The following TRAPPC11 variants were observed in gnomAD, a reference collection of about 807,000 sequenced individuals.
TRAPPC11 encodes the protein foie gras homolog.
A neutral mutation model predicts 151.2 loss-of-function variants in TRAPPC11; 104 were observed. That is an observed-to-expected ratio of 0.69 (90% CI 0.59 to 0.81). The LOEUF (loss-of-function observed/expected upper bound fraction) is 0.81. Ranked by LOEUF, TRAPPC11 falls within the 30% of genes least tolerant of loss-of-function variation. TRAPPC11 has a pLI of 0.00. For missense variants in TRAPPC11, 1,230 were observed against 1,349.6 expected (o/e 0.91, Z 1.39); for synonymous variants, 456 against 472.3 (o/e 0.97, Z 0.45).
chr4:183,688,469 G>T (rs10021545), intron 18 of TRAPPC11, among the ~76,000 whole-genome samples: 75,374 of 152,004 alleles, frequency 0.5, 19,392 homozygotes, highest in African/African-American at 0.63. Context: ...AAAGGAACCT[G>T]GAAGAGTTAA....
chr4:183,712,880 T>G lies in TRAPPC11; in HGVS notation c.*236T>G, dbSNP rs900239618. On this transcript the variant is annotated 3_prime_UTR_variant, in exon 30 of 30. Transcript: ENST00000334690. The stretch of plus-strand genomic sequence containing the variant: ...TACGACATGAAAGAATGTCAGACCA[T>G]TGTTATTGTTGAAAGTCATTTGATG... The G allele has an allele frequency of 2.2e-6, 1 of 456,688 alleles. No individual in the cohort carries two copies. Among genetic ancestry groups the G allele is most frequent in the Non-Finnish European group, 3.8e-6 (1 of 260,200 alleles). The allele number at this position is 456,688 out of a possible 1,614,324, so 28.3% of individuals were successfully genotyped here.
intron 19 of TRAPPC11, among the ~76,000 whole-genome samples, chr4:183,692,437 C>T (rs1296265534): frequency 6.7e-6 from 1 of 149,214 alleles, no homozygotes; most frequent in Non-Finnish European, 1.5e-5. Flanking sequence ...TTTCATGGTA[C>T]CTAAGGGAAC....
At chr4:183,710,735 T>C (rs757426672) in intron 29 of TRAPPC11, among the ~76,000 whole-genome samples, 30 of 151,756 alleles carry the variant, frequency 2.0e-4, no homozygotes, top group Non-Finnish European at 4.4e-4. Flanking sequence ...AAATTTATAA[T>C]TAAAAAATTT....
chr4:183,684,201 C>T lies in TRAPPC11; in HGVS notation c.1344C>T (p.Cys448=), dbSNP rs147260246. ...TTGCACAGTTCAAGAAGTATAAGTG[C>T]CCGCGAATGAAAAGTCACCTAAGTA... ...NAVAQFKKYK[C]PRMKSHLMVQ... is the part of the protein sequence containing the mutation. Residue 448 remains cysteine (C), a synonymous_variant, in exon 13 of 30, where the codon TGC becomes TGT. Transcript: ENST00000334690. 235 of 1,614,000 alleles carry T rather than the reference C, an allele frequency of 1.5e-4. No individual in the cohort carries two copies. The highest frequency in any genetic ancestry group is 1.7e-4 in the Non-Finnish European group (203 of 1,179,900).
At position 183,706,340 on chromosome 4, in the gene TRAPPC11, G is replaced by A. The variant is rs1319094637; in HGVS notation, c.3056-467G>A. Among the ~76,000 whole-genome samples, 10 of 152,218 alleles carry A rather than the reference G, an allele frequency of 6.6e-5. No homozygotes were observed. In the East Asian group the frequency reaches 7.7e-4, roughly 12 times the overall value. ...AGATCGAGACCATCCTGGCTAACAC[G>A]GTGAAACCCCGTCTCTATTAAAAAT... On this transcript the variant is annotated intron_variant, in intron 27 of 29. Coordinates refer to ENST00000334690, the MANE Select transcript of TRAPPC11 (RefSeq NM_021942.6).
chr4:183,686,767 G>GTGT lies in TRAPPC11; in HGVS notation c.1893+21_1893+23dup. On this transcript the variant is annotated intron_variant, in intron 18 of 29. Coordinates refer to ENST00000334690, the MANE Select transcript of TRAPPC11 (RefSeq NM_021942.6). ...TAATCAGGTAATGATGCCATGTCAT[G>GTGT]TGTTTTTACCACGTTTATCTTATTG... The GTGT allele has an allele frequency of 1.2e-6, 2 of 1,612,752 alleles. No homozygotes were observed. The highest frequency in any genetic ancestry group is 1.7e-6 in the Non-Finnish European group (2 of 1,179,408).
chr4:183,681,805 T>G (rs777198927), intron 10 of TRAPPC11, among the ~76,000 whole-genome samples: 30 of 151,726 alleles, frequency 2.0e-4, no homozygotes, highest in Non-Finnish European at 4.0e-4. Context: ...AAAATTTCCA[T>G]CAAATAATAA....
intron 8 of TRAPPC11, among the ~76,000 whole-genome samples, chr4:183,678,946 C>T (rs969943906): frequency 6.6e-6 from 1 of 152,150 alleles, no homozygotes. Context: ...ATGGAGGTAA[C>T]TTTGCTTTAA....
At chr4:183,707,586 T>C (rs1737138476) in intron 28 of TRAPPC11, among the ~76,000 whole-genome samples, 1 of 152,208 alleles carries the variant, frequency 6.6e-6, no homozygotes, top group Non-Finnish European at 1.5e-5. Context: ...TACTTTTTAA[T>C]TAACAAGGGC....
At chr4:183,660,669 C>T (rs900296777) in intron 1 of TRAPPC11, among the ~76,000 whole-genome samples, 1 of 152,130 alleles carries the variant, frequency 6.6e-6, no homozygotes, top group African/African-American at 2.4e-5. Flanking sequence ...AGTCTAGACT[C>T]GTTCATATTA....
At chr4:183,704,858 A>T (rs1366330013) in intron 26 of TRAPPC11, 121 bp from the exon 27 acceptor site, 2 of 499,842 alleles carry the variant, frequency 4.0e-6, no homozygotes, top group Admixed American at 2.9e-5. Flanking sequence ...TGGGAAATGG[A>T]TAAGTAACAT....
Position 183,691,440 on chromosome 4 carries a change from C to A in TRAPPC11, c.2018C>A (p.Ala673Glu). The A allele has an allele frequency of 1.3e-6, 2 of 1,508,754 alleles. No individual in the cohort carries two copies. The highest frequency in any genetic ancestry group is 1.8e-6 in the Non-Finnish European group (2 of 1,114,824). 93.5% of individuals were successfully genotyped at this position (1,508,754 alleles called of 1,614,324 possible). Reference sequence around the variant, plus strand: ...AGAAAACTGTTATTTAAGTTTGTTGCAAAAACTGAAGATGTGGGAAAGAAA... The same window carrying A: ...AGAAAACTGTTATTTAAGTTTGTTGAAAAAACTGAAGATGTGGGAAAGAAA... ...KTRKLLFKFVAKTEDVGKKIE... is the reference protein window; with the variant it reads ...KTRKLLFKFVEKTEDVGKKIE... Residue 673 changes from alanine (A) to glutamate (E), a missense_variant, in exon 19 of 30, where the codon GCA (alanine) becomes GAA (glutamate). Ala to Glu is a moderately radical substitution (Grantham distance 107). Coordinates refer to ENST00000334690, the MANE Select transcript of TRAPPC11 (RefSeq NM_021942.6).
chr4:183,685,976 T>C (rs1267240160), intron 17 of TRAPPC11, among the ~76,000 whole-genome samples: 1 of 152,132 alleles, frequency 6.6e-6, no homozygotes, highest in Admixed American at 6.6e-5. Context: ...TGAGATTACT[T>C]ATGGGCGTGT....
At position 183,692,981 on chromosome 4, in the gene TRAPPC11, C is replaced by G. The variant is rs777107611; in HGVS notation, c.2071C>G (p.Leu691Val). 5 of 1,611,076 alleles carry G rather than the reference C, an allele frequency of 3.1e-6. No homozygotes were observed. The highest frequency in any genetic ancestry group is 4.2e-6 in the Non-Finnish European group (5 of 1,178,478). Residue 691 changes from leucine (L) to valine (V), a missense_variant, in exon 20 of 30, where the codon CTG becomes GTG. Transcript: ENST00000334690. The part of the protein sequence containing the change: ...KIEITSVDLA[L>V]GNETGRCVVL... ...TTAGATTACTTCAGTGGATCTTGCTCTGGGCAATGAGACGGGAAGATGTGT... is the reference window on the plus strand; with the variant it reads ...TTAGATTACTTCAGTGGATCTTGCTGTGGGCAATGAGACGGGAAGATGTGT...
At position 183,688,004 on chromosome 4, in the gene TRAPPC11, A is replaced by C. The variant is rs73872663; in HGVS notation, c.1893+1256A>C. Among the ~76,000 whole-genome samples the C allele has an allele frequency of 2.9e-3, 440 of 152,202 alleles. 5 individuals are homozygous for C. Among genetic ancestry groups the C allele is most frequent in the African/African-American group, 0.01 (418 of 41,530 alleles). ...GTATATAGTCAAGTACTTCATTACA[A>C]CTCTATTATAAACTCACTTAGTAGA... On this transcript the variant is annotated intron_variant, in intron 18 of 29. Transcript: ENST00000334690.
intron 5 of TRAPPC11, among the ~76,000 whole-genome samples, chr4:183,673,205 G>A (rs1003490258): frequency 3.7e-4 from 57 of 152,026 alleles, no homozygotes; most frequent in Admixed American, 3.4e-3. Context: ...CTCGTGATCC[G>A]CCTCTGCCTC....
chr4:183,674,862 A>T, intron 6 of TRAPPC11, 50 bp downstream of exon 6: 1 of 1,121,746 alleles, frequency 8.9e-7, no homozygotes. Flanking sequence ...GATTATTATT[A>T]TTTTTGAGGT....
chr4:183,709,462 T>C (rs187182365), intron 29 of TRAPPC11, among the ~76,000 whole-genome samples: 1 of 152,292 alleles, frequency 6.6e-6, no homozygotes, highest in African/African-American at 2.4e-5. Context: ...CCCAAGCTCC[T>C]ATTCCACACC....
At chr4:183,686,552 A>G (rs980851926) in intron 17 of TRAPPC11, 66 bp from the exon 18 acceptor site, 2 of 1,572,894 alleles carry the variant, frequency 1.3e-6, no homozygotes, top group Non-Finnish European at 1.7e-6. Flanking sequence ...CAATTTGGTT[A>G]ACAGGATGTG....
Sources: gnomAD v4.1 joint callset for allele counts (sites outside exome capture counted in the v4.1 genomes callset) on GRCh38, gnomAD v4.1.1 for gene constraint, MANE v1.5 for transcripts, NCBI Gene and HGNC (gene_info 2026-07-23, HGNC 2026-07-21) for gene names.